Variants in PSD3 observed in about 807,000 individuals in gnomAD.
The protein encoded by PSD3 is PH and SEC7 domain-containing protein 3.
Under a neutral mutation model 105.5 loss-of-function variants are expected in PSD3, and 49 were observed. The ratio of observed to expected loss-of-function variants is 0.46; its 90% CI spans 0.37 to 0.59. The LOEUF is 0.59. Ranked by LOEUF, PSD3 falls within the 20% of genes least tolerant of loss-of-function variation. The pLI, the probability that PSD3 is intolerant of heterozygous loss-of-function variation, is 0.00. For synonymous variants in PSD3, 557 were observed against 457.8 expected (o/e 1.22, Z -2.77); for missense variants, 1,561 against 1,263.8 (o/e 1.24, Z -3.57).
intron 11 of PSD3, among the ~76,000 whole-genome samples, chr8:18,628,667 C>T (rs1806669716): frequency 6.6e-6 from 1 of 151,764 alleles, no homozygotes; most frequent in African/African-American, 2.4e-5. Context: ...TATAGGACAA[C>T]ATCACAAAGG....
At chr8:19,007,201 G>C (rs75313792) in intron 1 of PSD3, among the ~76,000 whole-genome samples, 3,395 of 151,904 alleles carry the variant, frequency 0.022, 142 homozygotes, top group African/African-American at 0.078. Context: ...GCAGTGAGCC[G>C]AGATCTTGCC....
At chr8:18,573,142 T>C (rs145979387) in intron 13 of PSD3, among the ~76,000 whole-genome samples, 179 of 152,274 alleles carry the variant, frequency 1.2e-3, no homozygotes, top group African/African-American at 4.3e-3. Context: ...GTCCCAGCAA[T>C]TCTACTCCTA....
intron 14 of PSD3, among the ~76,000 whole-genome samples, chr8:18,565,154 G>C (rs73211710): frequency 1.3e-5 from 2 of 152,138 alleles, no homozygotes; most frequent in African/African-American, 2.4e-5. Flanking sequence ...GGACCTGAAC[G>C]ACCTGGTGGG....
intron 9 of PSD3, among the ~76,000 whole-genome samples, chr8:18,665,875 G>A (rs1351167048): frequency 2.0e-5 from 3 of 152,126 alleles, no homozygotes; most frequent in Non-Finnish European, 4.4e-5. Context: ...CAAAACTAAT[G>A]ATGCAGCAAG....
At chr8:18,605,855 TGTGAA>T (rs947852357) in intron 11 of PSD3, among the ~76,000 whole-genome samples, 29 of 152,250 alleles carry the variant, frequency 1.9e-4, no homozygotes, top group African/African-American at 6.7e-4. Flanking sequence ...CCTGTGGCCA[TGTGAA>T]GTGGTGCTCC....
intron 4 of PSD3, among the ~76,000 whole-genome samples, chr8:18,855,117 C>G (rs1414328576): frequency 2.0e-5 from 3 of 152,132 alleles, no homozygotes; most frequent in Non-Finnish European, 4.4e-5. Context: ...CCATGCTTTT[C>G]CTGGGGATCC....
chr8:18,934,376 A>G (rs535366213), intron 2 of PSD3, among the ~76,000 whole-genome samples: 1 of 152,228 alleles, frequency 6.6e-6, no homozygotes, highest in Non-Finnish European at 1.5e-5. Flanking sequence ...AGCAGCCAAC[A>G]CTTTTATAGC....
chr8:18,828,800 TAAAC>T (rs779976012), intron 4 of PSD3, among the ~76,000 whole-genome samples: 7 of 150,040 alleles, frequency 4.7e-5, no homozygotes, highest in South Asian at 4.3e-4. Context: ...GTCTCTATTA[TAAAC>T]AAACAAACAA....
At chr8:18,575,329 G>A in intron 12 of PSD3, 44 bp from the exon 13 acceptor site, 1 of 1,468,868 alleles carries the variant, frequency 6.8e-7, no homozygotes, top group South Asian at 1.5e-5. Flanking sequence ...ATCACGATCA[G>A]ATTTCAACTT....
chr8:18,623,554 T>A (rs1480808981), intron 11 of PSD3, among the ~76,000 whole-genome samples: 1 of 145,632 alleles, frequency 6.9e-6, no homozygotes, highest in African/African-American at 2.5e-5. Context: ...GTGGGAAGAC[T>A]ACCTGAGCCC....
intron 14 of PSD3, among the ~76,000 whole-genome samples, chr8:18,558,561 G>A (rs544432414): frequency 1.2e-4 from 19 of 152,200 alleles, no homozygotes; most frequent in African/African-American, 4.3e-4. Context: ...GGTGCCTCAC[G>A]CCTGTAATCC....
intron 11 of PSD3, among the ~76,000 whole-genome samples, 156 bp from the exon 12 acceptor site, chr8:18,600,590 A>T (rs568265715): frequency 6.6e-6 from 1 of 152,320 alleles, no homozygotes; most frequent in East Asian, 1.9e-4. Context: ...ATGGTGTACC[A>T]GGCGGCATTC....
intron 9 of PSD3, among the ~76,000 whole-genome samples, chr8:18,754,834 T>G (rs185678057): frequency 1.4e-4 from 21 of 152,266 alleles, no homozygotes; most frequent in Admixed American, 7.2e-4. Context: ...TATGGGATAT[T>G]TTGACTATAT....
intron 1 of PSD3, among the ~76,000 whole-genome samples, chr8:19,035,023 A>C (rs1328376754): frequency 6.6e-6 from 1 of 152,138 alleles, no homozygotes; most frequent in Non-Finnish European, 1.5e-5. Context: ...ATAATAGATA[A>C]GATATGAACA....
intron 15 of PSD3, among the ~76,000 whole-genome samples, chr8:18,545,753 G>A (rs760631448): frequency 4.9e-4 from 75 of 152,108 alleles, no homozygotes; most frequent in Non-Finnish European, 8.7e-4. Context: ...GGAATTCCCC[G>A]AAGTCATACC....
chr8:18,579,624 G>A (rs1802682909), intron 12 of PSD3, among the ~76,000 whole-genome samples: 1 of 151,926 alleles, frequency 6.6e-6, no homozygotes, highest in Non-Finnish European at 1.5e-5. Flanking sequence ...TTTTTTCCCT[G>A]AGAAACTTGT....
intron 1 of PSD3, among the ~76,000 whole-genome samples, chr8:19,066,242 A>T (rs1292676584): frequency 6.6e-6 from 1 of 152,260 alleles, no homozygotes; most frequent in Non-Finnish European, 1.5e-5. Context: ...AAATCATTAC[A>T]GAGTTTTATA....
At chr8:18,752,167 T>C (rs1805547133) in intron 9 of PSD3, among the ~76,000 whole-genome samples, 1 of 151,754 alleles carries the variant, frequency 6.6e-6, no homozygotes, top group South Asian at 2.1e-4. Flanking sequence ...TAGGTATAGC[T>C]CCTCTCTCTC....
intron 11 of PSD3, among the ~76,000 whole-genome samples, chr8:18,624,768 A>G (rs1041265110): frequency 2.5e-4 from 38 of 152,072 alleles, no homozygotes; most frequent in African/African-American, 6.8e-4. Flanking sequence ...TTTATTGGTA[A>G]TATGCTACAA....
Sources: allele counts gnomAD v4.1 joint callset (sites outside exome capture counted in the v4.1 genomes callset), GRCh38; gene constraint gnomAD v4.1.1; transcripts MANE v1.5; gene names NCBI Gene and HGNC (gene_info 2026-07-23, HGNC 2026-07-21).